EXOC4: variants seen among roughly 807,000 people sequenced by gnomAD.
EXOC4 encodes SEC8-like 1.
Under a neutral mutation model 107.2 loss-of-function variants are expected in EXOC4, and 71 were observed. The ratio of observed to expected loss-of-function variants is 0.66; its 90% CI spans 0.55 to 0.81. EXOC4 has a LOEUF of 0.81. Among genes scored for constraint, EXOC4 ranks in the 30% least tolerant of loss-of-function variants. The probability of loss-of-function intolerance (pLI) is 0.00; values close to 1 mark genes in which losing one functional copy is unlikely to be tolerated. For missense variants in EXOC4, 1,108 were observed against 1,189.6 expected, an observed-to-expected ratio of 0.93 and a Z score of 1.01; for synonymous variants, 456 against 441.2, an observed-to-expected ratio of 1.03 and a Z score of -0.42.
chr7:133,782,443 T>G (rs1381901414), intron 10 of EXOC4, among the ~76,000 whole-genome samples: 2 of 152,176 alleles, frequency 1.3e-5, no homozygotes, highest in Non-Finnish European at 2.9e-5. Flanking sequence ...AAAATTCAAT[T>G]AGAAATTATC....
intron 7 of EXOC4, among the ~76,000 whole-genome samples, chr7:133,406,260 C>T (rs1314931702): frequency 6.6e-6 from 1 of 152,172 alleles, no homozygotes; most frequent in African/African-American, 2.4e-5. Flanking sequence ...ATGCCATTTT[C>T]TTACACCATA....
intron 9 of EXOC4, among the ~76,000 whole-genome samples, chr7:133,505,791 TA>T (rs1009350792): frequency 1.3e-4 from 20 of 152,134 alleles, no homozygotes; most frequent in Admixed American, 7.2e-4. Context: ...TTAAATAATG[TA>T]AAAAAAAGTT....
intron 14 of EXOC4, among the ~76,000 whole-genome samples, chr7:133,964,206 C>A (rs1801010447): frequency 6.6e-6 from 1 of 152,132 alleles, no homozygotes; most frequent in African/African-American, 2.4e-5. Context: ...AAGAACCAGT[C>A]ATAGAATTCA....
At chr7:133,952,379 G>A (rs1284068656) in intron 14 of EXOC4, among the ~76,000 whole-genome samples, 2 of 152,178 alleles carry the variant, frequency 1.3e-5, no homozygotes, top group Non-Finnish European at 2.9e-5. Context: ...GGGTGACAAT[G>A]ATCTGGTTAG....
chr7:133,815,344 C>A, intron 10 of EXOC4, among the ~76,000 whole-genome samples: 1 of 144,796 alleles, frequency 6.9e-6, no homozygotes. Flanking sequence ...CACTGTACTC[C>A]ATCCTGGGTG....
intron 7 of EXOC4, among the ~76,000 whole-genome samples, chr7:133,405,238 A>T (rs1385695097): frequency 6.6e-6 from 1 of 152,174 alleles, no homozygotes; most frequent in East Asian, 1.9e-4. Context: ...AGCAAATATC[A>T]ATAAAACAAA....
At chr7:133,408,833 G>A (rs1024177435) in intron 7 of EXOC4, among the ~76,000 whole-genome samples, 5 of 152,124 alleles carry the variant, frequency 3.3e-5, no homozygotes, top group Non-Finnish European at 5.9e-5. Context: ...AATGACACCT[G>A]TATTCTGGTA....
intron 10 of EXOC4, among the ~76,000 whole-genome samples, chr7:133,767,287 A>G (rs1311064126): frequency 6.6e-6 from 1 of 151,954 alleles, no homozygotes. Flanking sequence ...CTCTTCAGGT[A>G]AGTTGCTAAT....
At chr7:133,396,487 A>G (rs1278007249) in intron 7 of EXOC4, 2 of 152,332 alleles carry the variant, frequency 1.3e-5, no homozygotes, top group Middle Eastern at 3.4e-3. Context: ...TAGAATAGGA[A>G]GATTTAAAAA....
At chr7:133,354,478 T>C in intron 5 of EXOC4, among the ~76,000 whole-genome samples, 1 of 152,178 alleles carries the variant, frequency 6.6e-6, no homozygotes, top group East Asian at 1.9e-4. Context: ...TTTTTGAATG[T>C]CCTAGTCCTA....
chr7:133,445,360 A>G (rs1319410221), intron 7 of EXOC4, among the ~76,000 whole-genome samples: 1 of 152,174 alleles, frequency 6.6e-6, no homozygotes, highest in Non-Finnish European at 1.5e-5. Flanking sequence ...TGAGGTAGGA[A>G]GATGTTGTAC....
At chr7:133,259,766 A>G (rs958301140) in intron 1 of EXOC4, among the ~76,000 whole-genome samples, 2 of 152,186 alleles carry the variant, frequency 1.3e-5, no homozygotes, top group African/African-American at 2.4e-5. Flanking sequence ...TTCTATGTGA[A>G]TGTATGTGTG....
At chr7:133,547,231 G>C (rs570443940) in intron 9 of EXOC4, among the ~76,000 whole-genome samples, 2 of 152,168 alleles carry the variant, frequency 1.3e-5, no homozygotes, top group African/African-American at 4.8e-5. Context: ...CTATAGTGTA[G>C]TTTGTAAAGT....
chr7:133,394,060 T>C (rs1796916748), intron 7 of EXOC4, among the ~76,000 whole-genome samples: 1 of 152,160 alleles, frequency 6.6e-6, no homozygotes, highest in Non-Finnish European at 1.5e-5. Flanking sequence ...AGATATGAAA[T>C]GATGTCATGA....
intron 17 of EXOC4, among the ~76,000 whole-genome samples, chr7:134,021,018 G>T (rs910979883): frequency 6.6e-6 from 1 of 151,868 alleles, no homozygotes; most frequent in African/African-American, 2.4e-5. Context: ...TTGATTAGAG[G>T]ATCAACTATA....
At chr7:133,916,748 G>A (rs1198155888) in intron 12 of EXOC4, among the ~76,000 whole-genome samples, 1 of 152,214 alleles carries the variant, frequency 6.6e-6, no homozygotes, top group Non-Finnish European at 1.5e-5. Flanking sequence ...GTCAGCCCCA[G>A]AGGAGAAGCA....
chr7:133,694,089 C>A (rs1794479420), intron 10 of EXOC4, among the ~76,000 whole-genome samples: 1 of 151,958 alleles, frequency 6.6e-6, no homozygotes, highest in Admixed American at 6.6e-5. Flanking sequence ...CATGGTGAAA[C>A]CCTGTCTCTA....
At chr7:133,880,906 A>G (rs1177226765) in intron 11 of EXOC4, among the ~76,000 whole-genome samples, 1 of 152,192 alleles carries the variant, frequency 6.6e-6, no homozygotes. Context: ...TTCTAAAGGC[A>G]TATAGTTTTT....
chr7:133,856,502 G>A (rs745712346), intron 11 of EXOC4, among the ~76,000 whole-genome samples: 94 of 152,350 alleles, frequency 6.2e-4, no homozygotes, highest in Non-Finnish European at 2.8e-4. Flanking sequence ...TGGAGAGATT[G>A]TCTTCTCACT....
Sources: allele counts gnomAD v4.1 joint callset (sites outside exome capture counted in the v4.1 genomes callset), GRCh38; gene constraint gnomAD v4.1.1; transcripts MANE v1.5; gene names NCBI Gene and HGNC (gene_info 2026-07-23, HGNC 2026-07-21).